LGALS1: variants seen among roughly 807,000 people sequenced by gnomAD.
LGALS1 encodes the protein galectin 1.
Under a neutral mutation model 14.4 loss-of-function variants are expected in LGALS1, and 14 were observed. The observed-to-expected ratio is 0.97, with a 90% CI of 0.64 to 1.52. The LOEUF (loss-of-function observed/expected upper bound fraction) is 1.52, where lower values mean the gene tolerates loss of function less well. LGALS1 is among the 40% of genes most tolerant of loss of function. The pLI, the probability that LGALS1 is intolerant of heterozygous loss-of-function variation, is 0.00. For missense variants in LGALS1, 170 were observed against 181.4 expected (o/e 0.94, Z 0.36); for synonymous variants, 71 against 73.4 (o/e 0.97, Z 0.17).
intron 2 of LGALS1, 70 bp from the exon 3 acceptor site, chr22:37,678,413 G>C: frequency 6.6e-7 from 1 of 1,523,640 alleles, no homozygotes; most frequent in Non-Finnish European, 9.1e-7. Context: ...GGGATACTGA[G>C]TGACAGATTA....
chr22:37,675,929 C>T (rs538306242), intron 1 of LGALS1, among the ~76,000 whole-genome samples: 5 of 152,336 alleles, frequency 3.3e-5, no homozygotes, highest in African/African-American at 1.2e-4. Flanking sequence ...TGGATTCCTC[C>T]AGGGTCTGAA....
chr22:37,677,658 T>TACAA (rs1263383811), intron 2 of LGALS1: 2 of 154,516 alleles, frequency 1.3e-5, no homozygotes, highest in Non-Finnish European at 2.9e-5. Flanking sequence ...CAGCTGATAT[T>TACAA]GTTAAGAGCC....
In LGALS1 at chr22:37,675,679, G is replaced by A. The variant is rs756488159; in HGVS notation, c.-24G>A. On this transcript the variant is annotated 5_prime_UTR_variant, in exon 1 of 4. Transcript: ENST00000215909. ...CTTCTGACAGCTGGTGCGCCTGCCCGGGAACATCCTCCTGGACTCAATCAT... is the reference window on the plus strand; with the variant it reads ...CTTCTGACAGCTGGTGCGCCTGCCCAGGAACATCCTCCTGGACTCAATCAT... 5.8e-5 allele frequency: 90 copies of A among 1,549,634 alleles called. No individual in the cohort carries two copies. The highest frequency in any genetic ancestry group is 7.7e-5 in the Non-Finnish European group (88 of 1,147,034).
At chr22:37,675,898 T>C (rs1411110972) in intron 1 of LGALS1, among the ~76,000 whole-genome samples, 187 bp downstream of exon 1, 2 of 152,204 alleles carry the variant, frequency 1.3e-5, no homozygotes, top group Admixed American at 1.3e-4. Flanking sequence ...CCTCAAGGCC[T>C]TCTCTGCATT....
At position 37,678,533 on chromosome 22, in the gene LGALS1, A is replaced by G. The variant is rs1265478596; in HGVS notation, c.140A>G (p.Asn47Ser). The change falls in exon 3 of 4, where the codon AAC (asparagine) becomes AGC (serine). Residue 47 changes from asparagine (N) to serine (S), a missense_variant. Physicochemically the swap from Asn to Ser is conservative, Grantham distance 46 (BLOSUM62 1). Transcript: ENST00000215909. ...KDSNNLCLHF[N>S]PRFNAHGDAN... ...AGCAACAACCTGTGCCTGCACTTCA[A>G]CCCTCGCTTCAACGCCCACGGCGAC... The G allele has an allele frequency of 6.2e-7, 1 of 1,613,466 alleles. No individual in the cohort carries two copies. Among genetic ancestry groups the G allele is most frequent in the East Asian group, 2.2e-5 (1 of 44,892 alleles).
Sources: gnomAD v4.1 joint callset for allele counts (sites outside exome capture counted in the v4.1 genomes callset) on GRCh38, gnomAD v4.1.1 for gene constraint, MANE v1.5 for transcripts, NCBI Gene and HGNC (gene_info 2026-07-23, HGNC 2026-07-21) for gene names.